The following FHIP1A variants were observed in gnomAD, a reference collection of about 807,000 sequenced individuals.
FHIP1A encodes the protein FHF complex subunit HOOK interacting protein 1A, also known as FHF complex subunit HOOK-interacting protein 1A.
In FHIP1A, 61 loss-of-function variants were observed where a neutral mutation model predicts 88.6. That is an observed-to-expected ratio of 0.69 (90% confidence interval 0.56 to 0.85). The LOEUF (loss-of-function observed/expected upper bound fraction) is 0.85, where lower values mean the gene tolerates loss of function less well. Among genes scored for constraint, FHIP1A ranks in the 40% least tolerant of loss-of-function variants. The probability of loss-of-function intolerance (pLI) is 0.00; values close to 1 mark genes in which losing one functional copy is unlikely to be tolerated. For missense variants in FHIP1A, 1,154 were observed against 1,273.5 expected (o/e 0.91, Z 1.43); for synonymous variants, 478 against 496.0 (o/e 0.96, Z 0.48).
chr4:151,504,599 T>TATGTC (rs774135641), intron 3 of FHIP1A, among the ~76,000 whole-genome samples: 29 of 145,916 alleles, frequency 2.0e-4, no homozygotes, highest in African/African-American at 8.0e-4. Context: ...TATGTTATGT[T>TATGTC]ATGTTATGTC....
Position 151,666,315 on chromosome 4 carries a change from G to A in FHIP1A, c.*3561G>A, listed in dbSNP as rs896746302. On this transcript the variant is annotated 3_prime_UTR_variant, in exon 14 of 14. Transcript: ENST00000435205. ...AGATACCTCCTTTCCCTGGTATTTA[G>A]AGGAATTGTGAAGTGGTCCCCATTT... Among the ~76,000 whole-genome samples, 1 of 152,164 alleles carries A rather than the reference G, an allele frequency of 6.6e-6. No individual in the cohort carries two copies. Among genetic ancestry groups the A allele is most frequent in the Non-Finnish European group, 1.5e-5 (1 of 68,036 alleles).
At chr4:151,639,919 GACC>G (rs1241502145) in intron 9 of FHIP1A, among the ~76,000 whole-genome samples, 1 of 152,196 alleles carries the variant, frequency 6.6e-6, no homozygotes, top group African/African-American at 2.4e-5. Context: ...AGAGGGAGGA[GACC>G]TGGTCTTCCC....
At chr4:151,551,550 C>T (rs1209587240) in intron 3 of FHIP1A, among the ~76,000 whole-genome samples, 1 of 69,422 alleles carries the variant, frequency 1.4e-5, no homozygotes, top group South Asian at 4.0e-4. Flanking sequence ...ACCATCTGAT[C>T]TTTGACAAAC....
intron 10 of FHIP1A, among the ~76,000 whole-genome samples, chr4:151,647,265 T>C (rs1261108828): frequency 6.6e-6 from 1 of 152,208 alleles, no homozygotes. Flanking sequence ...TGATACTTGG[T>C]GCTATTTGCC....
chr4:151,567,385 C>T (rs144438841), intron 4 of FHIP1A, among the ~76,000 whole-genome samples: 1 of 152,004 alleles, frequency 6.6e-6, no homozygotes, highest in African/African-American at 2.4e-5. Context: ...CAAGCAAAAT[C>T]AATTCTGCTT....
intron 11 of FHIP1A, among the ~76,000 whole-genome samples, chr4:151,652,562 C>T (rs907768879): frequency 6.6e-6 from 1 of 152,182 alleles, no homozygotes; most frequent in African/African-American, 2.4e-5. Context: ...AAGGACACAA[C>T]ATTAAAGGAA....
At chr4:151,529,579 A>G (rs1731798151) in intron 3 of FHIP1A, among the ~76,000 whole-genome samples, 1 of 152,138 alleles carries the variant, frequency 6.6e-6, no homozygotes, top group Admixed American at 6.5e-5. Flanking sequence ...TGTGACTAGC[A>G]GGTTGATGGT....
intron 1 of FHIP1A, among the ~76,000 whole-genome samples, chr4:151,411,283 T>G (rs1732629243): frequency 6.6e-6 from 1 of 151,080 alleles, no homozygotes; most frequent in Non-Finnish European, 1.5e-5. Flanking sequence ...AAATATATTA[T>G]GTAGAGATAT....
chr4:151,589,162 A>G (rs565149059), intron 7 of FHIP1A, among the ~76,000 whole-genome samples: 10 of 152,282 alleles, frequency 6.6e-5, no homozygotes, highest in Admixed American at 2.6e-4. Flanking sequence ...TAGTCAGCCT[A>G]AAGGAACATT....
At chr4:151,659,932 C>T (rs896046913) in intron 13 of FHIP1A, among the ~76,000 whole-genome samples, 1 of 152,200 alleles carries the variant, frequency 6.6e-6, no homozygotes, top group East Asian at 1.9e-4. Context: ...CTTGCCATGC[C>T]TTTCTCTTTC....
intron 11 of FHIP1A, among the ~76,000 whole-genome samples, chr4:151,654,266 A>G (rs1018914619): frequency 2.6e-5 from 4 of 152,122 alleles, no homozygotes; most frequent in African/African-American, 9.7e-5. Flanking sequence ...TCATTCACCT[A>G]GGTCAGTGAT....
At chr4:151,412,082 G>A (rs1732670939) in intron 1 of FHIP1A, among the ~76,000 whole-genome samples, 1 of 152,182 alleles carries the variant, frequency 6.6e-6, no homozygotes, top group Non-Finnish European at 1.5e-5. Flanking sequence ...TACACAGGAG[G>A]AAAGCAGATG....
intron 2 of FHIP1A, among the ~76,000 whole-genome samples, chr4:151,477,123 A>G (rs756871314): frequency 4.9e-4 from 74 of 152,204 alleles, no homozygotes; most frequent in African/African-American, 1.3e-3. Flanking sequence ...AGCTGGTTCT[A>G]TGGTCATTTG....
At chr4:151,424,807 TAA>T (rs10714490) in intron 1 of FHIP1A, among the ~76,000 whole-genome samples, 4,262 of 142,630 alleles carry the variant, frequency 0.03, 169 homozygotes, top group African/African-American at 0.092. Flanking sequence ...ATCTTTCCTG[TAA>T]AAAAAAAAAA....
At chr4:151,522,471 A>C (rs1361752690) in intron 3 of FHIP1A, among the ~76,000 whole-genome samples, 1 of 152,216 alleles carries the variant, frequency 6.6e-6, no homozygotes, top group Non-Finnish European at 1.5e-5. Flanking sequence ...TTCTCTGTTC[A>C]GGAATCTCCC....
chr4:151,492,100 CAG>C (rs1730303365), intron 3 of FHIP1A, among the ~76,000 whole-genome samples: 1 of 152,050 alleles, frequency 6.6e-6, no homozygotes, highest in Admixed American at 6.6e-5. Flanking sequence ...GTCGTCAAGA[CAG>C]AAAGTCAACA....
intron 1 of FHIP1A, among the ~76,000 whole-genome samples, chr4:151,449,472 G>A (rs1196137645): frequency 1.3e-5 from 2 of 151,990 alleles, no homozygotes; most frequent in Non-Finnish European, 2.9e-5. Flanking sequence ...ATTGTATAAT[G>A]TTCAAATTAG....
At chr4:151,535,143 G>A (rs896596119) in intron 3 of FHIP1A, among the ~76,000 whole-genome samples, 4 of 152,098 alleles carry the variant, frequency 2.6e-5, no homozygotes, top group Non-Finnish European at 4.4e-5. Flanking sequence ...TTGAGCCCCG[G>A]AAATCAAAGC....
chr4:151,566,584 A>G (rs777181507), intron 4 of FHIP1A, among the ~76,000 whole-genome samples: 5 of 152,180 alleles, frequency 3.3e-5, no homozygotes, highest in Admixed American at 6.5e-5. Flanking sequence ...ATTAGGGTAC[A>G]TGCATGTTAC....
Sources: allele counts gnomAD v4.1 joint callset (sites outside exome capture counted in the v4.1 genomes callset), GRCh38; gene constraint gnomAD v4.1.1; transcripts MANE v1.5; gene names NCBI Gene and HGNC (gene_info 2026-07-23, HGNC 2026-07-21).